MFN2: variants seen among roughly 807,000 people sequenced by gnomAD.
The protein encoded by MFN2 is mitofusin 2.
A neutral mutation model predicts 87.5 loss-of-function variants in MFN2; 43 were observed. That is an observed-to-expected ratio of 0.49 (90% CI 0.38 to 0.63). The LOEUF is 0.63. Ranked by LOEUF, MFN2 falls within the 30% of genes least tolerant of loss-of-function variation. MFN2 has a pLI of 0.00. For synonymous variants in MFN2, 337 were observed against 359.9 expected (o/e 0.94, Z 0.72); for missense variants, 743 against 972.8 (o/e 0.76, Z 3.14).
chr1:11,996,060 G>A, intron 4 of MFN2, 96 bp from the exon 5 acceptor site: 1 of 1,517,496 alleles, frequency 6.6e-7, no homozygotes, highest in South Asian at 1.1e-5. Flanking sequence ...ACATTGCACT[G>A]AATAGGGCTT....
At chr1:12,007,392 C>A in intron 17 of MFN2, 143 bp downstream of exon 17, 1 of 1,081,338 alleles carries the variant, frequency 9.2e-7, no homozygotes, top group South Asian at 1.4e-5. Context: ...GTGTGCAGGG[C>A]CAGCTTTGAG....
At position 11,996,306 on chromosome 1, in the gene MFN2, G is replaced by T; in HGVS notation, c.462G>T (p.Lys154Asn). The change falls in exon 5 of 19, where the codon AAG becomes AAT. Residue 154 changes from lysine (K) to asparagine (N), a missense_variant. Around this residue, in one of 3 missense-constraint regions of MFN2, gnomAD observed 141 missense variants for 278.9 expected, o/e 0.51. Coordinates refer to ENST00000235329, the MANE Select transcript of MFN2 (RefSeq NM_014874.4). ...AFLLTEGSEEKRSAKTVNQLA... is the reference protein window; with the variant it reads ...AFLLTEGSEENRSAKTVNQLA... ...TCCTTACCGAGGGCTCAGAGGAAAA[G>T]AGGAGTGCCAAGGTGAGGGTGCCAG... is the stretch of plus-strand genomic sequence containing the variant. 1 of 1,614,164 alleles carries T rather than the reference G, an allele frequency of 6.2e-7. No homozygotes were observed. The highest frequency in any genetic ancestry group is 1.3e-5 in the African/African-American group (1 of 75,074).
intron 2 of MFN2, among the ~76,000 whole-genome samples, chr1:11,987,060 A>C (rs1638445308): frequency 6.6e-6 from 1 of 152,236 alleles, no homozygotes. Flanking sequence ...CTGTATTCCC[A>C]GCACTTCGGG....
intron 3 of MFN2, 36 bp downstream of exon 3, chr1:11,989,379 C>T: frequency 6.2e-7 from 1 of 1,609,526 alleles, no homozygotes; most frequent in Non-Finnish European, 8.5e-7. Context: ...CCCGCTCTTA[C>T]CTGTTTAGAT....
chr1:12,005,672 T>G, intron 14 of MFN2, 39 bp from the exon 15 acceptor site: 4 of 1,592,486 alleles, frequency 2.5e-6, no homozygotes, highest in Non-Finnish European at 3.4e-6. Context: ...GGTGCAGGGC[T>G]GAGCTGATAA....
chr1:12,008,485 C>T (rs1186130426), intron 17 of MFN2, among the ~76,000 whole-genome samples: 11 of 150,644 alleles, frequency 7.3e-5, no homozygotes, highest in Non-Finnish European at 8.8e-5. Context: ...CCCCACCTCC[C>T]GGACGGGGCG....
At chr1:11,988,659 C>T (rs751216689) in intron 2 of MFN2, among the ~76,000 whole-genome samples, 1 of 152,016 alleles carries the variant, frequency 6.6e-6, no homozygotes, top group Non-Finnish European at 1.5e-5. Flanking sequence ...CCTCAGACTC[C>T]CAAGTAGCTA....
At chr1:12,000,787 G>T (rs186153867) in intron 8 of MFN2, among the ~76,000 whole-genome samples, 364 of 152,212 alleles carry the variant, frequency 2.4e-3, no homozygotes, top group Non-Finnish European at 4.0e-3. Flanking sequence ...TGACCTCAGG[G>T]TTCCTTTCCT....
chr1:12,011,589 G>C lies in MFN2; in HGVS notation c.*24G>C. On this transcript the variant is annotated 3_prime_UTR_variant, in exon 19 of 19. Coordinates refer to ENST00000235329, the MANE Select transcript of MFN2 (RefSeq NM_014874.4). ...AGTGGGCACCTGAGGCGGAGTCTGC[G>C]TGGAGAGGGGCGGTGCTGCCAGCCC... 6.2e-7 allele frequency: 1 copy of C among 1,612,818 alleles called. No individual in the cohort carries two copies. The highest frequency in any genetic ancestry group is 8.5e-7 in the Non-Finnish European group (1 of 1,179,562).
At position 12,006,570 on chromosome 1, in the gene MFN2, CCCCAGCATG is replaced by C. The variant is rs1400984611; in HGVS notation, c.1753_1761del (p.Ser585_Pro587del). On this transcript the variant is annotated inframe_deletion, in exon 16 of 19. Coordinates refer to ENST00000235329, the MANE Select transcript of MFN2 (RefSeq NM_014874.4). The stretch of plus-strand genomic sequence containing the variant: ...GTCCCATCCCTCTGACGCCAGCCAA[CCCCAGCATG>C]CCCCCACTGCCACAGGGCTCGCTCA... 1 of 1,614,236 alleles carries C rather than the reference CCCCAGCATG, an allele frequency of 6.2e-7. No homozygotes were observed. Among genetic ancestry groups the C allele is most frequent in the South Asian group, 1.1e-5 (1 of 91,092 alleles).
rs763632400 is a variant in MFN2, at chr1:12,006,633, T to G, written c.1812T>G (p.Val604=). ...LTQEEFMVSM[V]TGLASLTSRT... ...AGGAGGAGTTCATGGTTTCCATGGT[T>G]ACCGGCCTGGCCTCCTTGACATCCA... Residue 604 remains valine (V), a synonymous_variant, in exon 16 of 19, where the codon GTT becomes GTG. Transcript: ENST00000235329. 1.2e-6 allele frequency: 2 copies of G among 1,614,212 alleles called. No individual in the cohort carries two copies. The highest frequency in any genetic ancestry group is 2.2e-5 in the South Asian group (2 of 91,088).
intron 8 of MFN2, among the ~76,000 whole-genome samples, chr1:12,001,120 C>T (rs1369557393): frequency 2.0e-5 from 3 of 152,162 alleles, no homozygotes; most frequent in Non-Finnish European, 2.9e-5. Context: ...AAGTGATTCT[C>T]CTGCCTCAGC....
chr1:11,992,518 G>T, intron 3 of MFN2, 37 bp from the exon 4 acceptor site: 2 of 1,613,926 alleles, frequency 1.2e-6, no homozygotes, highest in South Asian at 2.2e-5. Flanking sequence ...GAACTCCTCT[G>T]ACCACGTGGT....
intron 1 of MFN2, among the ~76,000 whole-genome samples, chr1:11,981,618 C>G (rs1376946924): frequency 1.3e-5 from 2 of 152,236 alleles, no homozygotes; most frequent in African/African-American, 4.8e-5. Context: ...TCTTCTGTTC[C>G]TCAATAGTCA....
Position 12,004,652 on chromosome 1 carries a change from C to G in MFN2, c.1392+39C>G, listed in dbSNP as rs1639324081. Reference sequence around the variant, plus strand: ...CAACAGGTCCTCTTGGCAGGAGGCCCCCAAAAGTGATTCAACCCCTGTTGG... The same window carrying G: ...CAACAGGTCCTCTTGGCAGGAGGCCGCCAAAAGTGATTCAACCCCTGTTGG... On this transcript the variant is annotated intron_variant, in intron 13 of 18. Coordinates refer to ENST00000235329, the MANE Select transcript of MFN2 (RefSeq NM_014874.4). This position sits in a 1 kb window ranked among gnomAD's most constrained non-coding sequence, Gnocchi z 4.2. 1 of 1,592,686 alleles carries G rather than the reference C, an allele frequency of 6.3e-7. No individual in the cohort carries two copies. Among genetic ancestry groups the G allele is most frequent in the East Asian group, 2.2e-5 (1 of 44,760 alleles).
intron 2 of MFN2, among the ~76,000 whole-genome samples, chr1:11,988,356 G>T (rs1638516822): frequency 6.6e-6 from 1 of 150,480 alleles, no homozygotes. Flanking sequence ...ACTTGCCTCA[G>T]CCTCCCAGAG....
Position 12,009,781 on chromosome 1 carries a change from A to C in MFN2, c.2204+55A>C, listed in dbSNP as rs758758663. The C allele has an allele frequency of 3.1e-6, 5 of 1,611,900 alleles. No individual in the cohort carries two copies. The South Asian group carries it at 5.5e-5, about 18-fold the overall frequency. ...GGGCTCCAGGGTGCAGCCCAGGCAC[A>C]CTGGGGCTCAGCTGCTGGGCTTGCG... On this transcript the variant is annotated intron_variant, in intron 18 of 18. Transcript: ENST00000235329.
At chr1:11,995,172 G>T (rs1244003564) in intron 4 of MFN2, among the ~76,000 whole-genome samples, 2 of 152,056 alleles carry the variant, frequency 1.3e-5, no homozygotes, top group Admixed American at 6.6e-5. Context: ...TGAGGTGGGA[G>T]GATCATTGAG....
Position 12,005,709 on chromosome 1 carries a change from A to G in MFN2, c.1496-2A>G, listed in dbSNP as rs1483207355. The stretch of plus-strand genomic sequence containing the variant: ...CTTTTCCTCCATTTCTCTTCCTGAC[A>G]GATGGCTTGAAACCCCTCCTTCCTG... On this transcript the variant is annotated splice_acceptor_variant, in intron 14 of 18. Transcript: ENST00000235329. LOFTEE classifies it high-confidence loss of function. The G allele has an allele frequency of 6.2e-7, 1 of 1,614,134 alleles. No homozygotes were observed. Among genetic ancestry groups the G allele is most frequent in the Non-Finnish European group, 8.5e-7 (1 of 1,179,960 alleles).
Sources: gnomAD v4.1 joint callset for allele counts (sites outside exome capture counted in the v4.1 genomes callset) on GRCh38, gnomAD v4.1.1 for gene constraint, gnomAD v4.1.1 regional missense constraint, Gnocchi (gnomAD v3.1) non-coding constraint, MANE v1.5 for transcripts, NCBI Gene and HGNC (gene_info 2026-07-23, HGNC 2026-07-21) for gene names.